The following SPMIP2 variants were observed in gnomAD, a reference collection of about 807,000 sequenced individuals.
The protein encoded by SPMIP2 is sperm microtubule inner protein 2.
the SPMIP2 span, among the ~76,000 whole-genome samples, chr4:158,894,879 G>A: frequency 8.5e-5 from 13 of 152,122 alleles, no homozygotes; most frequent in Admixed American, 2.0e-4. Flanking sequence ...TTTCCATGTC[G>A]TTGATCAGCC....
chr4:158,926,910 AT>A, the SPMIP2 span, among the ~76,000 whole-genome samples: 1,315 of 152,352 alleles, frequency 8.6e-3, 13 homozygotes, highest in Non-Finnish European at 0.012. Context: ...AATGTTCACC[AT>A]TTGGTAATGA....
chr4:158,939,324 A>C, the SPMIP2 span, among the ~76,000 whole-genome samples: 1 of 152,226 alleles, frequency 6.6e-6, no homozygotes, highest in Admixed American at 6.5e-5. Flanking sequence ...AAATAGTATA[A>C]AGATCCATAG....
At chr4:158,943,858 C>CTTTTTTTTT in the SPMIP2 span, among the ~76,000 whole-genome samples, 1,036 of 101,842 alleles carry the variant, frequency 0.01, 21 homozygotes, top group East Asian at 0.02. Context: ...TTGACATTTT[C>CTTTTTTTTT]TTTTTTTTTT....
At chr4:158,949,423 C>T in the SPMIP2 span, among the ~76,000 whole-genome samples, 1 of 152,136 alleles carries the variant, frequency 6.6e-6, no homozygotes, top group Non-Finnish European at 1.5e-5. Flanking sequence ...ATACAACAAT[C>T]CAGTGGAGTA....
At chr4:158,972,489 A>T in the SPMIP2 span, among the ~76,000 whole-genome samples, 1 of 152,250 alleles carries the variant, frequency 6.6e-6, no homozygotes, top group Non-Finnish European at 1.5e-5. Context: ...CTGTCTGGAA[A>T]AAAATATCCA....
the SPMIP2 span, among the ~76,000 whole-genome samples, chr4:159,041,663 G>A: frequency 7.9e-5 from 12 of 152,134 alleles, no homozygotes; most frequent in Non-Finnish European, 1.3e-4. Flanking sequence ...TCTCATTCAT[G>A]GTGTTGTGGA....
chr4:158,899,949 T>C, the SPMIP2 span, among the ~76,000 whole-genome samples: 2 of 152,244 alleles, frequency 1.3e-5, no homozygotes, highest in African/African-American at 4.8e-5. Context: ...AGGGTGTCGA[T>C]TTTAGATCTT....
At chr4:158,980,452 G>A in the SPMIP2 span, among the ~76,000 whole-genome samples, 45 of 152,196 alleles carry the variant, frequency 3.0e-4, no homozygotes, top group Non-Finnish European at 5.6e-4. Context: ...TTGTAGAGGA[G>A]AGCCCTGGCT....
At chr4:159,013,435 G>A in the SPMIP2 span, among the ~76,000 whole-genome samples, 3 of 152,244 alleles carry the variant, frequency 2.0e-5, no homozygotes, top group East Asian at 1.9e-4. Flanking sequence ...TCACAGTTAC[G>A]GAGCCTGAAA....
the SPMIP2 span, among the ~76,000 whole-genome samples, chr4:158,920,131 TTA>T: frequency 5.3e-5 from 8 of 152,320 alleles, no homozygotes; most frequent in African/African-American, 1.9e-4. Flanking sequence ...AATAATACTT[TTA>T]TAATTTCTTA....
At chr4:158,978,385 C>T in the SPMIP2 span, among the ~76,000 whole-genome samples, 115 of 152,256 alleles carry the variant, frequency 7.6e-4, no homozygotes, top group South Asian at 1.5e-3. Flanking sequence ...GAAGAATGTA[C>T]ATTCTATTAA....
the SPMIP2 span, among the ~76,000 whole-genome samples, chr4:159,077,035 C>T: frequency 6.6e-6 from 1 of 152,050 alleles, no homozygotes; most frequent in Non-Finnish European, 1.5e-5. Context: ...AGGATTTTGC[C>T]ATGTTGGCCA....
chr4:158,897,411 C>T, the SPMIP2 span, among the ~76,000 whole-genome samples: 13 of 152,286 alleles, frequency 8.5e-5, no homozygotes, highest in Admixed American at 1.3e-4. Context: ...CTTGAGGAAT[C>T]GCCACACTGT....
chr4:158,967,349 A>G, the SPMIP2 span, among the ~76,000 whole-genome samples: 1 of 152,200 alleles, frequency 6.6e-6, no homozygotes, highest in African/African-American at 2.4e-5. Flanking sequence ...CTCTCGCACT[A>G]AAGCCTTCTG....
chr4:158,973,770 C>CT, the SPMIP2 span, among the ~76,000 whole-genome samples: 1 of 151,994 alleles, frequency 6.6e-6, no homozygotes, highest in Non-Finnish European at 1.5e-5. Context: ...GGGTGCATCG[C>CT]TTGAACTCAG....
chr4:158,981,824 A>C, the SPMIP2 span, among the ~76,000 whole-genome samples: 1 of 128,438 alleles, frequency 7.8e-6, no homozygotes, highest in Non-Finnish European at 1.7e-5. Context: ...AAAAAAAAAA[A>C]AAAAAAAAAG....
At chr4:159,081,252 T>A in the SPMIP2 span, among the ~76,000 whole-genome samples, 1 of 152,072 alleles carries the variant, frequency 6.6e-6, no homozygotes, top group Admixed American at 6.5e-5. Context: ...TTGGCCAGAT[T>A]GGTCTTGAAC....
chr4:158,901,128 ATTTTTTTT>A, the SPMIP2 span, among the ~76,000 whole-genome samples: 8 of 112,302 alleles, frequency 7.1e-5, no homozygotes, highest in Non-Finnish European at 1.4e-4. Context: ...CTGGGTTGAA[ATTTTTTTT>A]TTTTTTTTTT....
chr4:159,009,797 C>T, the SPMIP2 span, among the ~76,000 whole-genome samples: 1 of 151,924 alleles, frequency 6.6e-6, no homozygotes, highest in Admixed American at 6.6e-5. Flanking sequence ...ATGGCAAAAC[C>T]TTATCTCTGT....
Sources: allele counts gnomAD v4.1 joint callset (sites outside exome capture counted in the v4.1 genomes callset), GRCh38; gene constraint gnomAD v4.1.1; transcripts MANE v1.5; gene names NCBI Gene and HGNC (gene_info 2026-07-23, HGNC 2026-07-21).